Variants in MGST1 observed in about 807,000 individuals in gnomAD.
MGST1 encodes microsomal glutathione S-transferase 1, also known as glutathione S-transferase 12.
In MGST1, 5 loss-of-function variants were observed where a neutral mutation model predicts 8.9. The ratio of observed to expected loss-of-function variants is 0.56; its 90% CI spans 0.29 to 1.19. MGST1 has a LOEUF of 1.19. MGST1 is among the 50% of genes most tolerant of loss of function. The pLI, the probability that MGST1 is intolerant of heterozygous loss-of-function variation, is 0.08. For missense variants in MGST1, 182 were observed against 187.4 expected (o/e 0.97, Z 0.17); for synonymous variants, 54 against 67.8 (o/e 0.80, Z 1.00).
At chr12:16,575,385 C>G (rs1260496154) in intron 4 of MGST1, among the ~76,000 whole-genome samples, 2 of 152,152 alleles carry the variant, frequency 1.3e-5, no homozygotes, top group Non-Finnish European at 2.9e-5. Flanking sequence ...GCAAATTAGA[C>G]AAATTAGTCC....
downstream of MGST1, among the ~76,000 whole-genome samples, chr12:16,439,011 A>G (rs940621469): frequency 6.6e-6 from 1 of 151,858 alleles, no homozygotes; most frequent in Non-Finnish European, 1.5e-5. Context: ...TGTCAAATGT[A>G]TAGCTCAAAG....
At chr12:16,470,069 A>G (rs1377299987) in intron 4 of MGST1, among the ~76,000 whole-genome samples, 7 of 152,216 alleles carry the variant, frequency 4.6e-5, no homozygotes, top group African/African-American at 1.7e-4. Context: ...TCTAGTGTCT[A>G]TGACTAATAA....
At position 16,362,968 on chromosome 12, in the gene MGST1, A is replaced by C. The variant is rs1053344339; in HGVS notation, c.222-827A>C. 6.6e-6 allele frequency: 1 copy of C among 152,102 alleles called. No homozygotes were observed. The highest frequency in any genetic ancestry group is 1.5e-5 in the Non-Finnish European group (1 of 68,032). 9.4% of individuals were successfully genotyped at this position (152,102 alleles called of 1,614,324 possible). On this transcript the variant is annotated intron_variant, in intron 3 of 3. Transcript: ENST00000396210. The surrounding 1 kb of genome is among the most constrained non-coding windows in gnomAD (Gnocchi z 4.4). ...AATAGCAATGACAACAATAATAATA[A>C]AAATGTCAAGTCCATAGTAGATGTG...
intron 4 of MGST1, among the ~76,000 whole-genome samples, chr12:16,461,446 T>G (rs1308908001): frequency 6.6e-6 from 1 of 152,200 alleles, no homozygotes; most frequent in Non-Finnish European, 1.5e-5. Flanking sequence ...GCACTTCTTA[T>G]GCTAACACTT....
At chr12:16,520,303 A>G (rs1440819465) in intron 4 of MGST1, among the ~76,000 whole-genome samples, 2 of 152,208 alleles carry the variant, frequency 1.3e-5, no homozygotes, top group Non-Finnish European at 2.9e-5. Context: ...TTTATGTTCA[A>G]AAAATCTGAG....
rs564528955 is a variant in MGST1, at chr12:16,585,144, G to T, written n.483-4384G>T. ...GTCATGGCTTCCCCCTTTGGGTGGC[G>T]CATGCAAGCCCCAGTTCACAACGTT... is the stretch of plus-strand genomic sequence containing the variant. On this transcript the variant is annotated intron_variant and non_coding_transcript_variant, in intron 4 of 4. Coordinates refer to the MGST1 transcript ENST00000538857. The surrounding 1 kb of genome is among the most constrained non-coding windows in gnomAD (Gnocchi z 4.7). 3.9e-5 allele frequency among the ~76,000 whole-genome samples: 6 copies of T among 152,128 alleles called. No homozygotes were observed. The highest frequency in any genetic ancestry group is 1.2e-4 in the African/African-American group (5 of 41,422).
intron 1 of MGST1, among the ~76,000 whole-genome samples, chr12:16,407,607 T>A (rs1940706506): frequency 6.6e-6 from 1 of 152,146 alleles, no homozygotes; most frequent in African/African-American, 2.4e-5. Flanking sequence ...TAAAGGCACA[T>A]GCATGCATAT....
In MGST1 at chr12:16,517,145, T is replaced by C. The variant is rs1941620555; in HGVS notation, n.483-72383T>C. On this transcript the variant is annotated intron_variant and non_coding_transcript_variant, in intron 4 of 4. Coordinates refer to the MGST1 transcript ENST00000538857. The surrounding 1 kb of genome is among the most constrained non-coding windows in gnomAD (Gnocchi z 4.2). ...GCAAAGTCATTGGAAGGAAGCTGAA[T>C]GGCTCCTAGGCCAGCAAACTTCACA... is the stretch of plus-strand genomic sequence containing the variant. Among the ~76,000 whole-genome samples the C allele has an allele frequency of 6.6e-6, 1 of 152,166 alleles. No individual in the cohort carries two copies. Among genetic ancestry groups the C allele is most frequent in the Non-Finnish European group, 1.5e-5 (1 of 68,028 alleles).
At position 16,468,122 on chromosome 12, in the gene MGST1, A is replaced by G. The variant is rs541799407; in HGVS notation, n.482+84518A>G. Among the ~76,000 whole-genome samples the G allele has an allele frequency of 5.9e-5, 9 of 152,334 alleles. No homozygotes were observed. In the South Asian group the frequency reaches 1.9e-3, roughly 32 times the overall value. On this transcript the variant is annotated intron_variant and non_coding_transcript_variant, in intron 4 of 4. Transcript: ENST00000538857. ...ATCCTCTACAATGCCCTTGAGGAAG[A>G]TTCAGAAGCTCATTCTATTTCCATC...
intron 4 of MGST1, chr12:16,551,236 G>A (rs143969842): frequency 3.7e-6 from 6 of 1,604,210 alleles, no homozygotes; most frequent in Non-Finnish European, 1.7e-6. Context: ...CGAACCTGGG[G>A]TGCATAACCT....
rs966608086 is a variant in MGST1 at position 16,585,189 on chromosome 12, G to A, written n.483-4339G>A. Among the ~76,000 whole-genome samples, 3 of 152,102 alleles carry A rather than the reference G, an allele frequency of 2.0e-5. No individual in the cohort carries two copies. The highest frequency in any genetic ancestry group is 6.6e-5 in the Admixed American group (1 of 15,264). On this transcript the variant is annotated intron_variant and non_coding_transcript_variant, in intron 4 of 4. Transcript: ENST00000538857. The surrounding 1 kb of genome is among the most constrained non-coding windows in gnomAD (Gnocchi z 4.7). ...AACGTTATTTTTCCTTCCAGACTCC[G>A]GAACCTGGAGGCAATTGAGTTTGTA...
chr12:16,560,333 A>C lies in MGST1; in HGVS notation n.483-29195A>C, dbSNP rs950730013. On this transcript the variant is annotated intron_variant and non_coding_transcript_variant, in intron 4 of 4. Transcript: ENST00000538857. This position sits in a 1 kb window ranked among gnomAD's most constrained non-coding sequence, Gnocchi z 5.0. ...GAGATTGATTGCTTTAAATGTATGA[A>C]TATAATTTCCACCTATTAAATAAAT... is the stretch of plus-strand genomic sequence containing the variant. 3.5e-6 allele frequency: 5 copies of C among 1,440,856 alleles called. No individual in the cohort carries two copies. In the African/African-American group the frequency reaches 4.3e-5, roughly 12 times the overall value. 89.3% of individuals were successfully genotyped at this position (1,440,856 alleles called of 1,614,324 possible).
Position 16,587,308 on chromosome 12 carries a change from C to G in MGST1, n.483-2220C>G, listed in dbSNP as rs564927055. Among the ~76,000 whole-genome samples the G allele has an allele frequency of 2.6e-5, 4 of 152,162 alleles. No individual in the cohort carries two copies. Among genetic ancestry groups the G allele is most frequent in the Non-Finnish European group, 5.9e-5 (4 of 68,018 alleles). ...AATGCTAACAATTTGTTACGCACTGCAGTGTTACAGCTTTCTAAATGGTAA... is the reference window on the plus strand; with the variant it reads ...AATGCTAACAATTTGTTACGCACTGGAGTGTTACAGCTTTCTAAATGGTAA... On this transcript the variant is annotated intron_variant and non_coding_transcript_variant, in intron 4 of 4. Coordinates refer to the MGST1 transcript ENST00000538857. This position sits in a 1 kb window ranked among gnomAD's most constrained non-coding sequence, Gnocchi z 4.3.
chr12:16,365,552 G>A (rs9332953), downstream of MGST1, among the ~76,000 whole-genome samples: 1 of 152,146 alleles, frequency 6.6e-6, no homozygotes, highest in Non-Finnish European at 1.5e-5. Context: ...TTAGACAATT[G>A]ACTACGTAGA....
intron 1 of MGST1, among the ~76,000 whole-genome samples, chr12:16,407,575 A>G (rs1940706215): frequency 6.6e-6 from 1 of 152,174 alleles, no homozygotes; most frequent in Admixed American, 6.5e-5. Flanking sequence ...ATATACCCAG[A>G]GGAATATAAA....
rs1325506062 is a variant in MGST1, at chr12:16,401,331, A to G, written n.778+17727A>G. The stretch of plus-strand genomic sequence containing the variant: ...TCTTCAGTTTGTATTGATTTTTACT[A>G]TTGATTACTAGGAAGCTTTCATGGA... On this transcript the variant is annotated intron_variant and non_coding_transcript_variant, in intron 1 of 1. Coordinates refer to the MGST1 transcript ENST00000359720. The surrounding 1 kb of genome is among the most constrained non-coding windows in gnomAD (Gnocchi z 4.3). 6.6e-6 allele frequency: 9 copies of G among 1,357,410 alleles called. No homozygotes were observed. The highest frequency in any genetic ancestry group is 2.3e-5 in the East Asian group (1 of 43,594). 84.1% of individuals were successfully genotyped at this position (1,357,410 alleles called of 1,614,324 possible).
intron 4 of MGST1, among the ~76,000 whole-genome samples, chr12:16,508,440 C>A (rs185135957): frequency 1.3e-5 from 2 of 152,188 alleles, no homozygotes; most frequent in East Asian, 1.9e-4. Context: ...TTAGAACTCA[C>A]GGGGGAAGTC....
At chr12:16,508,672 G>C (rs1460694349) in intron 4 of MGST1, among the ~76,000 whole-genome samples, 1 of 152,152 alleles carries the variant, frequency 6.6e-6, no homozygotes, top group Non-Finnish European at 1.5e-5. Context: ...CCTGACAACA[G>C]TTTAATTGCT....
chr12:16,458,009 C>G lies in MGST1; in HGVS notation n.482+74405C>G, dbSNP rs537806984. On this transcript the variant is annotated intron_variant and non_coding_transcript_variant, in intron 4 of 4. Transcript: ENST00000538857. The surrounding 1 kb of genome is among the most constrained non-coding windows in gnomAD (Gnocchi z 4.0). ...ATCACTTAATTTTTCCCTAGGAAAG[C>G]TTTTGCTTGCCCTAGCAATATTATA... Among the ~76,000 whole-genome samples the G allele has an allele frequency of 6.6e-6, 1 of 151,970 alleles. No individual in the cohort carries two copies. The highest frequency in any genetic ancestry group is 1.5e-5 in the Non-Finnish European group (1 of 67,944).
Sources: gnomAD v4.1 joint callset for allele counts (sites outside exome capture counted in the v4.1 genomes callset) on GRCh38, gnomAD v4.1.1 for gene constraint, Gnocchi (gnomAD v3.1) non-coding constraint, MANE v1.5 for transcripts, NCBI Gene and HGNC (gene_info 2026-07-23, HGNC 2026-07-21) for gene names.